LRP6: variants seen among roughly 807,000 people sequenced by gnomAD.
LRP6 encodes the protein low-density lipoprotein receptor-related protein 6.
LRP6 carries 43 observed loss-of-function variants against 184.1 expected under a neutral mutation model. The observed-to-expected ratio is 0.23, with a 90% CI of 0.18 to 0.30. The LOEUF is 0.30. Among genes scored for constraint, LRP6 ranks in the 10% least tolerant of loss-of-function variants. LRP6 has a pLI of 1.00. For missense variants in LRP6, 1,571 were observed against 2,005.3 expected, an observed-to-expected ratio of 0.78 and a Z score of 4.14; for synonymous variants, 719 against 684.9, an observed-to-expected ratio of 1.05 and a Z score of -0.78.
At chr12:12,191,087 T>A (rs186247601) in intron 3 of LRP6, among the ~76,000 whole-genome samples, 4 of 152,042 alleles carry the variant, frequency 2.6e-5, no homozygotes, top group Non-Finnish European at 4.4e-5. Context: ...ACAGACAACA[T>A]TGGAAAGCTT....
Position 12,147,536 on chromosome 12 carries a change from A to T in LRP6, c.3227T>A (p.Leu1076His). 1 of 1,614,066 alleles carries T rather than the reference A, an allele frequency of 6.2e-7. No individual in the cohort carries two copies. Among genetic ancestry groups the T allele is most frequent in the South Asian group, 1.1e-5 (1 of 91,074 alleles). The part of the protein sequence containing the change: ...PEKGYMYFTN[L>H]QERSPKIERA... ...TTCAATTTTAGGAGACCTTTCCTGA[A>T]GATTGGTAAAATACATATACCTAGA... The change falls in exon 15 of 23, where the codon CTT becomes CAT. Residue 1076 changes from leucine to histidine, a missense_variant. Around this residue, in one of 4 missense-constraint regions of LRP6, gnomAD observed 763 missense variants for 859.5 expected, o/e 0.89. Coordinates refer to ENST00000261349, the MANE Select transcript of LRP6 (RefSeq NM_002336.3).
intron 15 of LRP6, among the ~76,000 whole-genome samples, chr12:12,144,256 C>T (rs953143162): frequency 3.9e-5 from 6 of 152,158 alleles, no homozygotes; most frequent in Non-Finnish European, 1.5e-5. Flanking sequence ...ATTGGCCAGG[C>T]TGGAGTGCAG....
At chr12:12,266,067 A>G (rs2135954596) in intron 1 of LRP6, among the ~76,000 whole-genome samples, 1 of 152,270 alleles carries the variant, frequency 6.6e-6, no homozygotes, top group East Asian at 1.9e-4. Context: ...TTATTTTATT[A>G]TGGGCTGAAG....
chr12:12,246,033 G>C (rs1208504074), intron 1 of LRP6, among the ~76,000 whole-genome samples: 1 of 53,344 alleles, frequency 1.9e-5, no homozygotes, highest in African/African-American at 8.7e-5. Flanking sequence ...ACAGAGTTTT[G>C]CTCTTGTTGC....
intron 12 of LRP6, among the ~76,000 whole-genome samples, chr12:12,152,305 A>G (rs548038285): frequency 6.6e-6 from 1 of 152,066 alleles, no homozygotes; most frequent in Non-Finnish European, 1.5e-5. Flanking sequence ...CCAGTTTCCA[A>G]TATGTCTTTA....
At chr12:12,260,905 T>C (rs1865597685) in intron 1 of LRP6, among the ~76,000 whole-genome samples, 1 of 152,194 alleles carries the variant, frequency 6.6e-6, no homozygotes, top group Non-Finnish European at 1.5e-5. Flanking sequence ...TAGTTACCCA[T>C]GGCCTAAATA....
chr12:12,137,746 T>A (rs191472497), intron 16 of LRP6, among the ~76,000 whole-genome samples: 36 of 152,276 alleles, frequency 2.4e-4, no homozygotes, highest in Admixed American at 2.0e-3. Context: ...TGATAAGCAG[T>A]CATTGTTGTA....
intron 2 of LRP6, among the ~76,000 whole-genome samples, chr12:12,209,743 G>C (rs547022529): frequency 6.6e-6 from 1 of 152,058 alleles, no homozygotes; most frequent in African/African-American, 2.4e-5. Flanking sequence ...CTATTAAAGC[G>C]GTGAGCACCT....
intron 12 of LRP6, chr12:12,155,626 G>T (rs1950141535): frequency 2.2e-6 from 2 of 899,646 alleles, no homozygotes; most frequent in South Asian, 1.3e-5. Flanking sequence ...GAAGGAAAAT[G>T]ATCAGAAAAA....
chr12:12,186,371 T>C lies in LRP6; in HGVS notation c.844+552A>G, dbSNP rs531125940. ...GTCTAGGCTATTGCCTAACCTGAAT[T>C]ATACTTTTACATTTTCCCTTTTTTT... On this transcript the variant is annotated intron_variant, in intron 4 of 22. Coordinates refer to ENST00000261349, the MANE Select transcript of LRP6 (RefSeq NM_002336.3). Among the ~76,000 whole-genome samples, 20 of 152,232 alleles carry C rather than the reference T, an allele frequency of 1.3e-4. No individual in the cohort carries two copies. In the South Asian group the frequency reaches 3.9e-3, roughly 30 times the overall value.
intron 1 of LRP6, among the ~76,000 whole-genome samples, chr12:12,251,170 T>C (rs577456231): frequency 3.9e-5 from 6 of 152,206 alleles, no homozygotes; most frequent in African/African-American, 1.4e-4. Context: ...TGACCTCAAG[T>C]GATTCGCCCA....
rs58540250 is a variant in LRP6 at position 12,164,919 on chromosome 12, T to TAAAAAAAAAAAAAAAAAAAAAA, written c.1762+138_1762+159dup. Among the ~76,000 whole-genome samples, 18 of 57,090 alleles carry TAAAAAAAAAAAAAAAAAAAAAA rather than the reference T, an allele frequency of 3.2e-4. 3 individuals carry two copies. Among genetic ancestry groups the TAAAAAAAAAAAAAAAAAAAAAA allele is most frequent in the South Asian group, 2.1e-3 (2 of 934 alleles). 37.5% of individuals were successfully genotyped at this position (57,090 alleles called of 152,430 possible). A position where few individuals can be genotyped will look rare whatever the true frequency, so the allele number is the denominator to read the frequency against. ...CAACGTTTAAAAGGTCCCTTCTCAG[T>TAAAAAAAAAAAAAAAAAAAAAA]AAAAAAAAAAAAAAAAAAAAAAAAA... On this transcript the variant is annotated intron_variant, in intron 8 of 22. Coordinates refer to ENST00000261349, the MANE Select transcript of LRP6 (RefSeq NM_002336.3).
At chr12:12,161,031 ACAC>A (rs1862729692) in intron 10 of LRP6, among the ~76,000 whole-genome samples, 1 of 152,256 alleles carries the variant, frequency 6.6e-6, no homozygotes, top group Admixed American at 6.5e-5. Flanking sequence ...AGGCATGTGC[ACAC>A]CACAAGAGCC....
chr12:12,193,497 A>AC (rs1398077259), intron 3 of LRP6, among the ~76,000 whole-genome samples: 2 of 144,394 alleles, frequency 1.4e-5, no homozygotes, highest in East Asian at 2.0e-4. Flanking sequence ...TGCTAGACTG[A>AC]CCCAAAAAAA....
chr12:12,240,992 AT>A (rs1444569207), intron 2 of LRP6, among the ~76,000 whole-genome samples: 2 of 152,210 alleles, frequency 1.3e-5, no homozygotes, highest in Non-Finnish European at 2.9e-5. Flanking sequence ...GGAAAAAAAA[AT>A]CTCAGACTAA....
chr12:12,246,287 G>A (rs958861278), intron 1 of LRP6, among the ~76,000 whole-genome samples: 10 of 151,866 alleles, frequency 6.6e-5, no homozygotes, highest in African/African-American at 2.2e-4. Flanking sequence ...GATTACAGGC[G>A]TGAGCCACTG....
chr12:12,159,110 C>T lies in LRP6; in HGVS notation c.2510G>A (p.Gly837Asp). 1 of 1,614,054 alleles carries T rather than the reference C, an allele frequency of 6.2e-7. No homozygotes were observed. The highest frequency in any genetic ancestry group is 8.5e-7 in the Non-Finnish European group (1 of 1,180,016). ...VIADDLPHPF[G>D]LTQYQDYIYW... ...GATATAATCTTGGTACTGAGTTAAGCCAAAAGGATGAGGCAAGTCATCTGC... is the reference window on the plus strand; with the variant it reads ...GATATAATCTTGGTACTGAGTTAAGTCAAAAGGATGAGGCAAGTCATCTGC... The change falls in exon 12 of 23, where the codon GGC (glycine) becomes GAC (aspartate). Residue 837 changes from glycine (G) to aspartate (D), a missense_variant. Coordinates refer to ENST00000261349, the MANE Select transcript of LRP6 (RefSeq NM_002336.3).
At chr12:12,198,047 T>A (rs1411353431) in intron 3 of LRP6, among the ~76,000 whole-genome samples, 1 of 152,152 alleles carries the variant, frequency 6.6e-6, no homozygotes, top group Non-Finnish European at 1.5e-5. Context: ...GCCCCCTGAG[T>A]AGCTGGGATT....
At chr12:12,150,083 T>A (rs1241792761) in intron 13 of LRP6, among the ~76,000 whole-genome samples, 2 of 152,136 alleles carry the variant, frequency 1.3e-5, no homozygotes, top group East Asian at 3.8e-4. Context: ...ACATTCAAGA[T>A]ACAACTTACG....
Sources: allele counts gnomAD v4.1 joint callset (sites outside exome capture counted in the v4.1 genomes callset), GRCh38; gene constraint gnomAD v4.1.1; regional missense constraint gnomAD v4.1.1; transcripts MANE v1.5; gene names NCBI Gene and HGNC (gene_info 2026-07-23, HGNC 2026-07-21).